KCNQ5: variants seen among roughly 807,000 people sequenced by gnomAD.
KCNQ5 encodes potassium voltage-gated channel subfamily KQT member 5.
A neutral mutation model predicts 98.2 loss-of-function variants in KCNQ5; 30 were observed. The ratio of observed to expected loss-of-function variants is 0.31; its 90% CI spans 0.23 to 0.41. The LOEUF (loss-of-function observed/expected upper bound fraction) is 0.41, where lower values mean the gene tolerates loss of function less well. Among genes scored for constraint, KCNQ5 ranks in the 10% least tolerant of loss-of-function variants. The pLI is 1.00. For synonymous variants in KCNQ5, 458 were observed against 449.4 expected, an observed-to-expected ratio of 1.02 and a Z score of -0.24; for missense variants, 835 against 1,182.5, an observed-to-expected ratio of 0.71 and a Z score of 4.31.
Position 72,778,540 on chromosome 6 carries a change from GA to G in KCNQ5, c.398+155965del, listed in dbSNP as rs58093028. ...GGAGACACAGCAAGACCCTGTCACA[GA>G]AAAAAAAAAAAGAATATACTGTATA... On this transcript the variant is annotated intron_variant, in intron 1 of 13. Coordinates refer to ENST00000370398, the MANE Select transcript of KCNQ5 (RefSeq NM_019842.4). Among the ~76,000 whole-genome samples, 62 of 140,730 alleles carry G rather than the reference GA, an allele frequency of 4.4e-4. 1 individual carries two copies. Among genetic ancestry groups the G allele is most frequent in the African/African-American group, 1.1e-3 (40 of 37,294 alleles). The allele number at this position is 140,730 out of a possible 152,430, so 92.3% of individuals were successfully genotyped here.
intron 1 of KCNQ5, among the ~76,000 whole-genome samples, chr6:72,816,038 G>C (rs1265914060): frequency 6.6e-6 from 1 of 152,126 alleles, no homozygotes; most frequent in Admixed American, 6.6e-5. Context: ...ATTTCCTTAA[G>C]GAACACCCCC....
chr6:73,188,336 C>T (rs1304466722), intron 11 of KCNQ5, among the ~76,000 whole-genome samples: 1 of 152,210 alleles, frequency 6.6e-6, no homozygotes, highest in Non-Finnish European at 1.5e-5. Flanking sequence ...ATACAAAGTA[C>T]TTCACATAAC....
intron 2 of KCNQ5, among the ~76,000 whole-genome samples, chr6:73,019,918 T>C (rs1770514187): frequency 6.6e-6 from 1 of 152,206 alleles, no homozygotes; most frequent in Non-Finnish European, 1.5e-5. Context: ...TTCTGTCTTT[T>C]CCTATTTTTA....
At position 72,658,741 on chromosome 6, in the gene KCNQ5, C is replaced by T. The variant is rs995093677; in HGVS notation, c.398+36154C>T. On this transcript the variant is annotated intron_variant, in intron 1 of 13. Coordinates refer to ENST00000370398, the MANE Select transcript of KCNQ5 (RefSeq NM_019842.4). The stretch of plus-strand genomic sequence containing the variant: ...GATTATAGGCATGTGCCACCATGCC[C>T]GGTAACTTTTGTATTTTTCGTAGAG... 6.6e-5 allele frequency among the ~76,000 whole-genome samples: 10 copies of T among 151,310 alleles called. No individual in the cohort carries two copies. The East Asian group carries it at 1.2e-3, about 18-fold the overall frequency.
In KCNQ5 at chr6:72,944,755, C is replaced by T. The variant is rs1352194688; in HGVS notation, c.399-59153C>T. 2.6e-5 allele frequency among the ~76,000 whole-genome samples: 4 copies of T among 152,146 alleles called. No homozygotes were observed. In the South Asian group the frequency reaches 8.3e-4, roughly 32 times the overall value. ...CAACCTGTGGCAGCCTACCTCAAAC[C>T]AGCAGCTGAAGGACAGAGCAAAGAC... On this transcript the variant is annotated intron_variant, in intron 1 of 13. Coordinates refer to ENST00000370398, the MANE Select transcript of KCNQ5 (RefSeq NM_019842.4).
chr6:72,937,696 A>G (rs2150235638), intron 1 of KCNQ5, among the ~76,000 whole-genome samples: 1 of 152,324 alleles, frequency 6.6e-6, no homozygotes, highest in East Asian at 1.9e-4. Context: ...TTGCCAATTA[A>G]CAAGAGAAAA....
chr6:72,997,668 A>G (rs1394912455), intron 1 of KCNQ5, among the ~76,000 whole-genome samples: 1 of 151,032 alleles, frequency 6.6e-6, no homozygotes, highest in Non-Finnish European at 1.5e-5. Context: ...CTGTAGTCCC[A>G]GCTACTCAGG....
At position 72,887,426 on chromosome 6, in the gene KCNQ5, C is replaced by T. The variant is rs9446779; in HGVS notation, c.399-116482C>T. 5.4e-3 allele frequency among the ~76,000 whole-genome samples: 821 copies of T among 152,116 alleles called. 8 individuals carry two copies. The highest frequency in any genetic ancestry group is 0.019 in the African/African-American group (786 of 41,486). On this transcript the variant is annotated intron_variant, in intron 1 of 13. Transcript: ENST00000370398. ...AATTCAATCACCTCCCACCATGACA[C>T]GTGGGAATTGTGGGAGTTACAATTC...
chr6:72,834,184 A>G (rs1562013261), intron 1 of KCNQ5, among the ~76,000 whole-genome samples: 2 of 152,096 alleles, frequency 1.3e-5, no homozygotes, highest in Admixed American at 6.6e-5. Context: ...AGTGTTTGTT[A>G]TATTATTCTC....
chr6:72,777,095 C>T (rs1423353778), intron 1 of KCNQ5, among the ~76,000 whole-genome samples: 1 of 152,174 alleles, frequency 6.6e-6, no homozygotes, highest in Non-Finnish European at 1.5e-5. Context: ...AAGCAGGGAG[C>T]TGAGATGGAT....
intron 9 of KCNQ5, among the ~76,000 whole-genome samples, chr6:73,127,224 G>C (rs889917444): frequency 1.3e-5 from 2 of 151,920 alleles, no homozygotes; most frequent in African/African-American, 4.8e-5. Flanking sequence ...TCTGGGTCCA[G>C]AGTATTGTTA....
rs555619158 is a variant in KCNQ5, at chr6:72,747,692, A to G, written c.398+125105A>G. Among the ~76,000 whole-genome samples the G allele has an allele frequency of 5.3e-5, 8 of 152,310 alleles. No individual in the cohort carries two copies. In the East Asian group the frequency reaches 1.5e-3, roughly 29 times the overall value. On this transcript the variant is annotated intron_variant, in intron 1 of 13. Coordinates refer to ENST00000370398, the MANE Select transcript of KCNQ5 (RefSeq NM_019842.4). ...TACATTCCTGTCCTCAATGATATTC[A>G]GTCTAGTTAGTTACATAGCATATGA...
At chr6:72,800,784 A>C (rs1161546260) in intron 1 of KCNQ5, among the ~76,000 whole-genome samples, 3 of 151,286 alleles carry the variant, frequency 2.0e-5, no homozygotes, top group South Asian at 2.1e-4. Flanking sequence ...TTTCCCTCTA[A>C]ACACTGCTTT....
intron 1 of KCNQ5, among the ~76,000 whole-genome samples, chr6:72,781,671 G>A (rs1773481708): frequency 6.6e-6 from 1 of 152,086 alleles, no homozygotes; most frequent in South Asian, 2.1e-4. Flanking sequence ...TACAAAAGCA[G>A]AATTATCTTT....
intron 10 of KCNQ5, 185 bp downstream of exon 10, chr6:73,133,826 C>G (rs953962358): frequency 1.4e-6 from 1 of 740,418 alleles, no homozygotes; most frequent in African/African-American, 1.7e-5. Context: ...CATAAGTTTA[C>G]TTTTGGAAAC....
At chr6:73,008,174 G>A (rs1048596712) in intron 2 of KCNQ5, among the ~76,000 whole-genome samples, 34 of 151,490 alleles carry the variant, frequency 2.2e-4, no homozygotes, top group African/African-American at 8.0e-4. Context: ...AAACACAAAA[G>A]AAGGTAGCAA....
intron 3 of KCNQ5, among the ~76,000 whole-genome samples, chr6:73,046,898 G>A (rs529042561): frequency 1.6e-4 from 25 of 152,118 alleles, no homozygotes; most frequent in Middle Eastern, 6.8e-3. Context: ...CCGCCTCAGC[G>A]TCCCAAAGTG....
intron 9 of KCNQ5, chr6:73,129,662 TTAAA>T (rs1398250532): frequency 4.4e-6 from 3 of 679,244 alleles, no homozygotes; most frequent in Non-Finnish European, 2.5e-6. Context: ...TACTCTCTGC[TTAAA>T]TAGTCTGTGT....
At position 72,825,221 on chromosome 6, in the gene KCNQ5, T is replaced by A. The variant is rs555485878; in HGVS notation, c.399-178687T>A. On this transcript the variant is annotated intron_variant, in intron 1 of 13. Coordinates refer to ENST00000370398, the MANE Select transcript of KCNQ5 (RefSeq NM_019842.4). ...CCCCTTCACCCCTAAAAATCTACTTTGCAAAGAGAGCAACATCCACTCACC... is the reference window on the plus strand; with the variant it reads ...CCCCTTCACCCCTAAAAATCTACTTAGCAAAGAGAGCAACATCCACTCACC... Among the ~76,000 whole-genome samples, 10 of 152,244 alleles carry A rather than the reference T, an allele frequency of 6.6e-5. No homozygotes were observed. The East Asian group carries it at 1.9e-3, about 29-fold the overall frequency.
Sources: allele counts gnomAD v4.1 joint callset (sites outside exome capture counted in the v4.1 genomes callset), GRCh38; gene constraint gnomAD v4.1.1; transcripts MANE v1.5; gene names NCBI Gene and HGNC (gene_info 2026-07-23, HGNC 2026-07-21).